Variants in ARHGEF7 observed in about 807,000 individuals in gnomAD.
ARHGEF7 encodes the protein PAK-interacting exchange factor beta.
ARHGEF7 carries 33 observed loss-of-function variants against 109.8 expected under a neutral mutation model. The ratio of observed to expected loss-of-function variants is 0.30; its 90% CI spans 0.23 to 0.40. The LOEUF (loss-of-function observed/expected upper bound fraction) is 0.40. Among genes scored for constraint, ARHGEF7 ranks in the 10% least tolerant of loss-of-function variants. The pLI, the probability that ARHGEF7 is intolerant of heterozygous loss-of-function variation, is 1.00. For missense variants in ARHGEF7, 938 were observed against 1,098.5 expected (o/e 0.85, Z 2.07); for synonymous variants, 458 against 424.6 (o/e 1.08, Z -0.97).
At chr13:111,234,944 C>G (rs917914741) in intron 6 of ARHGEF7, among the ~76,000 whole-genome samples, 1 of 152,138 alleles carries the variant, frequency 6.6e-6, no homozygotes, top group African/African-American at 2.4e-5. Flanking sequence ...CTAACCCATT[C>G]GCTTTTTAGT....
intron 2 of ARHGEF7, among the ~76,000 whole-genome samples, chr13:111,203,731 C>G (rs775519509): frequency 2.6e-5 from 4 of 152,170 alleles, no homozygotes; most frequent in Non-Finnish European, 4.4e-5. Context: ...TATGTTTAAA[C>G]ATCTCATGAC....
At chr13:111,259,280 G>A (rs1049690542) in intron 8 of ARHGEF7, among the ~76,000 whole-genome samples, 5 of 152,196 alleles carry the variant, frequency 3.3e-5, no homozygotes, top group Admixed American at 2.0e-4. Flanking sequence ...CTTGGGTGCA[G>A]TCCAGTGCTT....
chr13:111,150,404 T>C (rs1164636781), intron 1 of ARHGEF7, among the ~76,000 whole-genome samples: 1 of 152,252 alleles, frequency 6.6e-6, no homozygotes, highest in Non-Finnish European at 1.5e-5. Context: ...CAGGTTTTTG[T>C]TTGTGGGTTC....
intron 2 of ARHGEF7, among the ~76,000 whole-genome samples, chr13:111,166,486 C>A (rs1001979061): frequency 6.6e-6 from 1 of 152,184 alleles, no homozygotes; most frequent in East Asian, 1.9e-4. Context: ...CCAAAGAGGA[C>A]AGGATGGCAC....
chr13:111,294,997 C>A lies in ARHGEF7; in HGVS notation c.2311+2703C>A. 4.1e-6 allele frequency: 4 copies of A among 985,704 alleles called. No homozygotes were observed. The South Asian group carries it at 1.9e-4, about 46-fold the overall frequency. 61.1% of individuals were successfully genotyped at this position (985,704 alleles called of 1,614,324 possible). On this transcript the variant is annotated intron_variant, in intron 19 of 21. Transcript: ENST00000646102. The stretch of plus-strand genomic sequence containing the variant: ...TGAAAAAAATCTCTATAATTGTGCT[C>A]TTTATCTGTGAATGGGAAAAGCCAT...
intron 6 of ARHGEF7, among the ~76,000 whole-genome samples, chr13:111,234,059 T>C (rs2086459483): frequency 6.6e-6 from 1 of 152,352 alleles, no homozygotes; most frequent in East Asian, 1.9e-4. Context: ...TTTTGAATTC[T>C]GGGGAAAATG....
In ARHGEF7 at chr13:111,280,672, C is replaced by A. The variant is rs1282640905; in HGVS notation, c.1720C>A (p.His574Asn). The A allele has an allele frequency of 6.3e-7, 1 of 1,578,846 alleles. No individual in the cohort carries two copies. The highest frequency in any genetic ancestry group is 1.2e-5 in the South Asian group (1 of 84,646). Residue 574 changes from histidine to asparagine, a missense_variant, in exon 15 of 22, where the codon CAT becomes AAT. This residue lies in a region of ARHGEF7 where 585 missense variants were observed against 723.6 expected (regional missense o/e 0.81). Transcript: ENST00000646102. ...CATAAAGCCTCATTCAGTGCCATCTCATACCGTAAGGACTTGGTGCTTCTC... is the reference window on the plus strand; with the variant it reads ...CATAAAGCCTCATTCAGTGCCATCTAATACCGTAAGGACTTGGTGCTTCTC... Reference protein sequence around the residue: ...PTIKPHSVPSHTLPSHPVTPS... With the variant: ...PTIKPHSVPSNTLPSHPVTPS...
chr13:111,186,077 G>A (rs2079228191), intron 2 of ARHGEF7, among the ~76,000 whole-genome samples: 1 of 151,668 alleles, frequency 6.6e-6, no homozygotes, highest in Non-Finnish European at 1.5e-5. Context: ...GGCCAGCACA[G>A]CATGCCGTGG....
intron 13 of ARHGEF7, among the ~76,000 whole-genome samples, chr13:111,279,784 T>C (rs754871995): frequency 6.6e-6 from 1 of 152,248 alleles, no homozygotes; most frequent in Non-Finnish European, 1.5e-5. Context: ...AACTACTTAT[T>C]TTCTGTTTTA....
At chr13:111,180,018 G>T (rs1162893424) in intron 2 of ARHGEF7, among the ~76,000 whole-genome samples, 1 of 152,080 alleles carries the variant, frequency 6.6e-6, no homozygotes, top group South Asian at 2.1e-4. Context: ...ACCCCCAAAC[G>T]TTTCACTGAT....
intron 1 of ARHGEF7, among the ~76,000 whole-genome samples, chr13:111,121,648 C>T (rs747027658): frequency 1.1e-4 from 17 of 152,224 alleles, no homozygotes; most frequent in Non-Finnish European, 1.9e-4. Flanking sequence ...CCTTTGGGCA[C>T]GCAACTCTAC....
At chr13:111,216,617 C>T (rs2083178847) in intron 4 of ARHGEF7, among the ~76,000 whole-genome samples, 1 of 152,140 alleles carries the variant, frequency 6.6e-6, no homozygotes, top group Non-Finnish European at 1.5e-5. Flanking sequence ...GAGGCCTGGA[C>T]TCTGCTGATG....
At chr13:111,210,811 A>G (rs1191635010) in intron 4 of ARHGEF7, among the ~76,000 whole-genome samples, 3 of 152,180 alleles carry the variant, frequency 2.0e-5, no homozygotes, top group African/African-American at 7.2e-5. Context: ...TGATCTTGTA[A>G]CGTGAGTCTA....
intron 8 of ARHGEF7, among the ~76,000 whole-genome samples, chr13:111,249,560 A>G (rs1180208564): frequency 1.3e-5 from 2 of 152,020 alleles, no homozygotes; most frequent in Non-Finnish European, 2.9e-5. Flanking sequence ...AGTAGAGGAA[A>G]GTCAGTTGTG....
chr13:111,116,081 G>C (rs1037237886), intron 1 of ARHGEF7, among the ~76,000 whole-genome samples: 2 of 152,228 alleles, frequency 1.3e-5, no homozygotes, highest in Admixed American at 1.3e-4. Context: ...GGCTCACTCC[G>C]CTGGCTTTGT....
chr13:111,303,356 T>C lies in ARHGEF7; in HGVS notation c.*243T>C. The C allele has an allele frequency of 3.1e-6, 1 of 319,928 alleles. No individual in the cohort carries two copies. Among genetic ancestry groups the C allele is most frequent in the South Asian group, 1.0e-4 (1 of 9,532 alleles). 19.8% of individuals were successfully genotyped at this position (319,928 alleles called of 1,614,324 possible). ...TACATCAATCCACTCTGTGAACATC[T>C]CAGTTACCTCATTCTGCAATAAGTT... On this transcript the variant is annotated 3_prime_UTR_variant, in exon 22 of 22. Transcript: ENST00000646102.
At chr13:111,161,911 T>C (rs983111542) in intron 2 of ARHGEF7, among the ~76,000 whole-genome samples, 1 of 152,242 alleles carries the variant, frequency 6.6e-6, no homozygotes, top group Non-Finnish European at 1.5e-5. Flanking sequence ...TAGTTCCTGG[T>C]AATAATCCCC....
In ARHGEF7 at chr13:111,303,961, A is replaced by C. The variant is rs2093615650; in HGVS notation, c.*848A>C. 6.6e-6 allele frequency: 1 copy of C among 152,226 alleles called. No individual in the cohort carries two copies. Among genetic ancestry groups the C allele is most frequent in the African/African-American group, 2.4e-5 (1 of 41,452 alleles). 9.4% of individuals were successfully genotyped at this position (152,226 alleles called of 1,614,324 possible). A position where few individuals can be genotyped will look rare whatever the true frequency, so the allele number is the denominator to read the frequency against. The stretch of plus-strand genomic sequence containing the variant: ...CTGTTTTGTCTTCCCTCAAAGAGAG[A>C]TCTTACTAGAACCTGTAAATAGAAT... On this transcript the variant is annotated 3_prime_UTR_variant, in exon 22 of 22. Transcript: ENST00000646102.
chr13:111,205,699 G>C (rs2153467737), intron 3 of ARHGEF7, among the ~76,000 whole-genome samples: 1 of 152,256 alleles, frequency 6.6e-6, no homozygotes, highest in African/African-American at 2.4e-5. Context: ...CTTTCTCTCA[G>C]TTTTTACTGA....
Sources: gnomAD v4.1 joint callset for allele counts (sites outside exome capture counted in the v4.1 genomes callset) on GRCh38, gnomAD v4.1.1 for gene constraint, gnomAD v4.1.1 regional missense constraint, MANE v1.5 for transcripts, NCBI Gene and HGNC (gene_info 2026-07-23, HGNC 2026-07-21) for gene names.